The following LDLRAD4 variants were observed in gnomAD, a reference collection of about 807,000 sequenced individuals.
The protein encoded by LDLRAD4 is low-density lipoprotein receptor class A domain-containing protein 4.
A neutral mutation model predicts 17.0 loss-of-function variants in LDLRAD4; 5 were observed. The observed-to-expected ratio is 0.29, with a 90% CI of 0.15 to 0.62. The LOEUF (loss-of-function observed/expected upper bound fraction) is 0.62, where lower values mean the gene tolerates loss of function less well. LDLRAD4 is among the 20% of genes least tolerant of loss of function. The probability of loss-of-function intolerance (pLI) is 0.84; values close to 1 mark genes in which losing one functional copy is unlikely to be tolerated. For missense variants in LDLRAD4, 340 were observed against 424.7 expected (o/e 0.80, Z 1.75); for synonymous variants, 168 against 171.8 (o/e 0.98, Z 0.17).
rs549376681 is a variant in LDLRAD4, at chr18:13,549,019, C to T, written c.182-72098C>T. On this transcript the variant is annotated intron_variant, in intron 3 of 5. Coordinates refer to ENST00000359446, the Ensembl canonical transcript of LDLRAD4. ...GAATATTCAGCTCCCCAAAAGCAAA[C>T]AGCTACTTAGCCTAGCTGATTCTAC... Among the ~76,000 whole-genome samples, 119 of 152,354 alleles carry T rather than the reference C, an allele frequency of 7.8e-4. 1 individual carries two copies. Among genetic ancestry groups the T allele is most frequent in the Non-Finnish European group, 6.2e-4 (42 of 68,032 alleles).
chr18:13,575,771 G>A (rs748199322), intron 3 of LDLRAD4, among the ~76,000 whole-genome samples: 2 of 152,146 alleles, frequency 1.3e-5, no homozygotes, highest in African/African-American at 2.4e-5. Context: ...CCATTCTTGC[G>A]GAGTAACGTG....
chr18:13,536,632 C>G (rs1601188717), intron 3 of LDLRAD4, among the ~76,000 whole-genome samples: 2 of 151,308 alleles, frequency 1.3e-5, no homozygotes, highest in Admixed American at 6.6e-5. Flanking sequence ...CTTTACTGCA[C>G]TGTTCAGAAC....
exon 6 of LDLRAD4, chr18:13,649,032 C>T: frequency 6.6e-6 from 1 of 152,282 alleles, no homozygotes. Context: ...CTCCCCACCA[C>T]ATAAACACAT....
chr18:13,243,334 C>G (rs545322900), intron 1 of LDLRAD4, among the ~76,000 whole-genome samples: 1 of 152,270 alleles, frequency 6.6e-6, no homozygotes, highest in African/African-American at 2.4e-5. Context: ...ATCTCTCAAC[C>G]TATGAGGAGG....
At chr18:13,582,000 G>A (rs2094866597) in intron 3 of LDLRAD4, among the ~76,000 whole-genome samples, 1 of 152,136 alleles carries the variant, frequency 6.6e-6, no homozygotes, top group African/African-American at 2.4e-5. Flanking sequence ...ATCTTTCTGT[G>A]ATTTATTCCA....
intron 3 of LDLRAD4, among the ~76,000 whole-genome samples, chr18:13,454,532 C>G (rs1250857348): frequency 6.6e-6 from 1 of 152,152 alleles, no homozygotes; most frequent in Non-Finnish European, 1.5e-5. Context: ...CGTGCTCTTA[C>G]TTTGGGGAAA....
chr18:13,333,202 A>G (rs1012985848), intron 1 of LDLRAD4, among the ~76,000 whole-genome samples: 2 of 152,170 alleles, frequency 1.3e-5, no homozygotes, highest in Non-Finnish European at 2.9e-5. Context: ...CTTATTGGCC[A>G]TCTCTATATC....
At chr18:13,605,183 G>A (rs1400897133) in intron 3 of LDLRAD4, among the ~76,000 whole-genome samples, 8 of 152,196 alleles carry the variant, frequency 5.3e-5, no homozygotes, top group African/African-American at 1.9e-4. Flanking sequence ...TTTTTAAGAA[G>A]GATGCCAAAT....
At chr18:13,616,815 C>T (rs1419226818) in intron 3 of LDLRAD4, among the ~76,000 whole-genome samples, 1 of 152,210 alleles carries the variant, frequency 6.6e-6, no homozygotes, top group Non-Finnish European at 1.5e-5. Context: ...CGGGGCCACT[C>T]GATTCGGTTT....
intron 1 of LDLRAD4, among the ~76,000 whole-genome samples, chr18:13,354,480 T>G (rs941947896): frequency 2.0e-5 from 3 of 152,192 alleles, no homozygotes; most frequent in African/African-American, 4.8e-5. Context: ...ATTCTGTAAT[T>G]TTGACATAGG....
chr18:13,272,700 A>G (rs1194448017), intron 1 of LDLRAD4, among the ~76,000 whole-genome samples: 1 of 152,216 alleles, frequency 6.6e-6, no homozygotes, highest in Non-Finnish European at 1.5e-5. Context: ...CAGAGGCATT[A>G]TGCAGCCTGT....
intron 1 of LDLRAD4, among the ~76,000 whole-genome samples, chr18:13,365,126 G>A (rs534871059): frequency 4.6e-5 from 7 of 152,324 alleles, no homozygotes; most frequent in South Asian, 2.1e-4. Context: ...TCAGAAATGC[G>A]TTTGCATTGC....
intron 3 of LDLRAD4, among the ~76,000 whole-genome samples, chr18:13,454,919 C>T (rs2092045599): frequency 6.6e-6 from 1 of 152,262 alleles, no homozygotes; most frequent in African/African-American, 2.4e-5. Context: ...GCGCACAGTG[C>T]TGGATCACCT....
intron 1 of LDLRAD4, among the ~76,000 whole-genome samples, chr18:13,305,195 C>T (rs1265029365): frequency 1.3e-5 from 2 of 151,930 alleles, no homozygotes; most frequent in East Asian, 1.9e-4. Flanking sequence ...AAAATATATG[C>T]GTACCTGTTA....
chr18:13,233,465 T>A (rs532364374), intron 1 of LDLRAD4, among the ~76,000 whole-genome samples: 1 of 152,200 alleles, frequency 6.6e-6, no homozygotes, highest in African/African-American at 2.4e-5. Flanking sequence ...TTCTCCATCC[T>A]GTGACCTGTT....
chr18:13,297,907 C>T (rs1045905232), intron 1 of LDLRAD4, among the ~76,000 whole-genome samples: 1 of 152,242 alleles, frequency 6.6e-6, no homozygotes, highest in Non-Finnish European at 1.5e-5. Context: ...AGGCATGTGG[C>T]TGGGGCCAGG....
At chr18:13,494,386 C>G (rs2093417416) in intron 3 of LDLRAD4, among the ~76,000 whole-genome samples, 1 of 151,976 alleles carries the variant, frequency 6.6e-6, no homozygotes, top group South Asian at 2.1e-4. Context: ...GAGGCTTTTT[C>G]CTGATGAGTT....
At chr18:13,607,432 T>C (rs1024739643) in intron 3 of LDLRAD4, among the ~76,000 whole-genome samples, 9 of 152,082 alleles carry the variant, frequency 5.9e-5, no homozygotes, top group African/African-American at 2.2e-4. Flanking sequence ...TTTTTTCTTA[T>C]TATTTTATTT....
At chr18:13,615,319 T>C (rs1601724552) in intron 3 of LDLRAD4, 1 of 152,286 alleles carries the variant, frequency 6.6e-6, no homozygotes. Context: ...ACATAACACA[T>C]CTGGAGCTTA....
Sources: gnomAD v4.1 joint callset for allele counts (sites outside exome capture counted in the v4.1 genomes callset) on GRCh38, gnomAD v4.1.1 for gene constraint, MANE v1.5 for transcripts, NCBI Gene and HGNC (gene_info 2026-07-23, HGNC 2026-07-21) for gene names.